Variants in TRANK1 observed in about 807,000 individuals in gnomAD.
TRANK1 encodes the protein TPR and ankyrin repeat-containing protein 1.
In TRANK1, 198 loss-of-function variants were observed where a neutral mutation model predicts 266.0. The observed-to-expected ratio is 0.74, with a 90% CI of 0.66 to 0.84. TRANK1 has a LOEUF of 0.84. Among genes scored for constraint, TRANK1 ranks in the 40% least tolerant of loss-of-function variants. The probability of loss-of-function intolerance (pLI) is 0.00; values close to 1 mark genes in which losing one functional copy is unlikely to be tolerated. For missense variants in TRANK1, 3,326 were observed against 3,634.6 expected (o/e 0.92, Z 2.18); for synonymous variants, 1,396 against 1,384.1 (o/e 1.01, Z -0.19).
chr3:36,831,958 T>A lies in TRANK1; in HGVS notation c.7625A>T (p.Asn2542Ile). 6.2e-7 allele frequency: 1 copy of A among 1,614,024 alleles called. No individual in the cohort carries two copies. Among genetic ancestry groups the A allele is most frequent in the Non-Finnish European group, 8.5e-7 (1 of 1,179,888 alleles). The part of the protein sequence containing the change: ...VLCGYENVNF[N>I]VLLDAFSEID... Reference sequence around the variant, plus strand: ...TTCACTGAAGGCATCAAGCAGGACGTTGAAGTTCACATTCTCATAGCCACA... The same window carrying A: ...TTCACTGAAGGCATCAAGCAGGACGATGAAGTTCACATTCTCATAGCCACA... Residue 2542 changes from asparagine to isoleucine, a missense_variant, in exon 22 of 24, where the codon AAC becomes ATC. By Grantham distance (149) the Asn-to-Ile change is moderately radical. Transcript: ENST00000645898. This position sits in a 1 kb window ranked among gnomAD's most constrained non-coding sequence, Gnocchi z 5.0.
intron 7 of TRANK1, among the ~76,000 whole-genome samples, chr3:36,891,513 G>A (rs1008157380): frequency 5.3e-5 from 8 of 152,134 alleles, no homozygotes; most frequent in African/African-American, 1.7e-4. Flanking sequence ...AAGTTCTCTC[G>A]GCCCTTTCTG....
intron 4 of TRANK1, among the ~76,000 whole-genome samples, chr3:36,898,011 G>A (rs531427515): frequency 2.6e-5 from 4 of 152,310 alleles, no homozygotes; most frequent in African/African-American, 7.2e-5. Flanking sequence ...TGGGTCCTCC[G>A]CTGATTCTGC....
In TRANK1 at chr3:36,851,701, G is replaced by T; in HGVS notation, c.4887+18C>A. ...TACATAAATATTCATTGTGTGAAAA[G>T]AATTAGGTGTGACATACCTCAGAAT... On this transcript the variant is annotated intron_variant, in intron 15 of 23. Coordinates refer to ENST00000645898, the MANE Select transcript of TRANK1 (RefSeq NM_001329998.2). The T allele has an allele frequency of 6.2e-7, 1 of 1,601,438 alleles. No homozygotes were observed. Among genetic ancestry groups the T allele is most frequent in the Non-Finnish European group, 8.5e-7 (1 of 1,176,248 alleles).
At position 36,911,618 on chromosome 3, in the gene TRANK1, C is replaced by G. The variant is rs144203617; in HGVS notation, c.24-3164G>C. 5.1e-3 allele frequency among the ~76,000 whole-genome samples: 782 copies of G among 152,218 alleles called. 7 individuals are homozygous for G. The highest frequency in any genetic ancestry group is 0.017 in the African/African-American group (715 of 41,536). On this transcript the variant is annotated intron_variant, in intron 1 of 23. Coordinates refer to ENST00000645898, the MANE Select transcript of TRANK1 (RefSeq NM_001329998.2). The stretch of plus-strand genomic sequence containing the variant: ...ACATCAAAGGTGAAAGAAGGAATGC[C>G]AACCATACAGAAGGCTTTTTTCTTC...
rs939249116 is a variant in TRANK1 at position 36,834,649 on chromosome 3, G to A, written c.5663+113C>T. On this transcript the variant is annotated intron_variant, in intron 21 of 23. Transcript: ENST00000645898. ...AGGCCATCGCTTAAGTGGAAAGGGA[G>A]CAATGTGGTCAAACCATGTCAGAAG... The A allele has an allele frequency of 1.6e-5, 20 of 1,243,532 alleles. No individual in the cohort carries two copies. The South Asian group carries it at 2.8e-4, about 18-fold the overall frequency. The allele number at this position is 1,243,532 out of a possible 1,614,324, so 77.0% of individuals were successfully genotyped here. A position where few individuals can be genotyped will look rare whatever the true frequency, so the allele number is the denominator to read the frequency against.
At chr3:36,866,026 AAG>A (rs1174930935) in intron 9 of TRANK1, among the ~76,000 whole-genome samples, 11 of 149,618 alleles carry the variant, frequency 7.4e-5, no homozygotes, top group Non-Finnish European at 1.5e-4. Flanking sequence ...GACAGAAAGA[AAG>A]AGAGAGAGAG....
At chr3:36,847,017 C>G (rs2078923788) in intron 16 of TRANK1, among the ~76,000 whole-genome samples, 183 bp downstream of exon 16, 1 of 152,108 alleles carries the variant, frequency 6.6e-6, no homozygotes, top group African/African-American at 2.4e-5. Context: ...GCCCAGTTCT[C>G]TACTAAAAAA....
chr3:36,865,403 T>C (rs901362227), intron 9 of TRANK1, among the ~76,000 whole-genome samples: 4 of 151,966 alleles, frequency 2.6e-5, no homozygotes, highest in Middle Eastern at 3.2e-3. Flanking sequence ...ATTCAGGGAG[T>C]GACAGCAGAA....
intron 9 of TRANK1, among the ~76,000 whole-genome samples, chr3:36,869,882 T>C (rs2079280970): frequency 1.3e-5 from 2 of 152,262 alleles, no homozygotes; most frequent in African/African-American, 2.4e-5. Flanking sequence ...GTGTAGGACA[T>C]TTCCATCATC....
chr3:36,922,798 A>G (rs2080234173), intron 1 of TRANK1, among the ~76,000 whole-genome samples: 2 of 151,812 alleles, frequency 1.3e-5, no homozygotes, highest in East Asian at 1.9e-4. Flanking sequence ...AAAAAAAATT[A>G]AAGGTTTAAT....
At chr3:36,853,282 C>A (rs936561194) in intron 13 of TRANK1, among the ~76,000 whole-genome samples, 3 of 152,168 alleles carry the variant, frequency 2.0e-5, no homozygotes, top group Non-Finnish European at 4.4e-5. Flanking sequence ...TGAACATAGA[C>A]CTTCCTGGGT....
intron 8 of TRANK1, among the ~76,000 whole-genome samples, chr3:36,881,217 C>T (rs1387993303): frequency 6.6e-6 from 1 of 151,936 alleles, no homozygotes; most frequent in Non-Finnish European, 1.5e-5. Flanking sequence ...TTTGGGAGGC[C>T]GAGGAGGGCA....
intron 1 of TRANK1, among the ~76,000 whole-genome samples, chr3:36,915,110 C>A (rs2080107000): frequency 1.3e-5 from 2 of 152,086 alleles, no homozygotes; most frequent in South Asian, 4.1e-4. Flanking sequence ...GGCCACCACG[C>A]CCGGCTAATT....
intron 11 of TRANK1, among the ~76,000 whole-genome samples, chr3:36,859,723 G>A (rs1053975415): frequency 8.5e-5 from 13 of 152,160 alleles, no homozygotes; most frequent in African/African-American, 3.1e-4. Flanking sequence ...CTGTGGGCTT[G>A]GTTCCTAGCA....
chr3:36,892,236 G>A lies in TRANK1; in HGVS notation c.741C>T (p.Pro247=). Residue 247 remains proline (P), a synonymous_variant, in exon 7 of 24, where the codon CCC becomes CCT. Coordinates refer to ENST00000645898, the MANE Select transcript of TRANK1 (RefSeq NM_001329998.2). ...GASVETIGPY[P]LHALMRLCIQ... ...TACAGAGTCGCATGAGGGCATGAAG[G>A]GGATACGGTCCTATAGTCTCAACAC... 1 of 1,537,132 alleles carries A rather than the reference G, an allele frequency of 6.5e-7. No homozygotes were observed. The highest frequency in any genetic ancestry group is 8.7e-7 in the Non-Finnish European group (1 of 1,146,850).
In TRANK1 at chr3:36,893,004, A is replaced by T; in HGVS notation, c.553-20T>A. 2 of 1,456,462 alleles carry T rather than the reference A, an allele frequency of 1.4e-6. No individual in the cohort carries two copies. The highest frequency in any genetic ancestry group is 1.4e-5 in the African/African-American group (1 of 69,738). The allele number at this position is 1,456,462 out of a possible 1,614,324, so 90.2% of individuals were successfully genotyped here. On this transcript the variant is annotated intron_variant, in intron 5 of 23. Coordinates refer to ENST00000645898, the MANE Select transcript of TRANK1 (RefSeq NM_001329998.2). ...AAATGACTGGTGGGAGAAGACAGAA[A>T]AGGCTGGAATAATAATGTTCTCCAC...
At chr3:36,891,078 G>A (rs754691359) in intron 7 of TRANK1, among the ~76,000 whole-genome samples, 5 of 152,172 alleles carry the variant, frequency 3.3e-5, no homozygotes, top group Non-Finnish European at 5.9e-5. Context: ...TGGGGCTCAC[G>A]CCTGTAATCC....
chr3:36,832,943 G>A lies in TRANK1; in HGVS notation c.6640C>T (p.Arg2214Trp), dbSNP rs375370078. 45 of 1,612,222 alleles carry A rather than the reference G, an allele frequency of 2.8e-5. No homozygotes were observed. The East Asian group carries it at 3.6e-4, about 13-fold the overall frequency. The change falls in exon 22 of 24, where the codon CGG becomes TGG. Residue 2214 changes from arginine (R) to tryptophan (W), a missense_variant. Transcript: ENST00000645898. ...ENCEHFHRPLRRCEAKCLVQS... is the reference protein window; with the variant it reads ...ENCEHFHRPLWRCEAKCLVQS... ...ACTAAACACTTGGCTTCACAACGCC[G>A]CAGAGGCCTGTGAAAATGTTCACAG... is the stretch of plus-strand genomic sequence containing the variant.
At chr3:36,934,778 C>T (rs987357339) in intron 1 of TRANK1, among the ~76,000 whole-genome samples, 1 of 152,132 alleles carries the variant, frequency 6.6e-6, no homozygotes, top group African/African-American at 2.4e-5. Flanking sequence ...CCAGAATGTC[C>T]TAACTAGAAA....
Sources: allele counts gnomAD v4.1 joint callset (sites outside exome capture counted in the v4.1 genomes callset), GRCh38; gene constraint gnomAD v4.1.1; non-coding constraint Gnocchi (gnomAD v3.1); transcripts MANE v1.5; gene names NCBI Gene and HGNC (gene_info 2026-07-23, HGNC 2026-07-21).